Variants in INPP5A observed in about 807,000 individuals in gnomAD.
INPP5A encodes inositol polyphosphate-5-phosphatase A.
INPP5A carries 14 observed loss-of-function variants against 65.2 expected under a neutral mutation model. The ratio of observed to expected loss-of-function variants is 0.21; its 90% CI spans 0.14 to 0.34. The LOEUF (loss-of-function observed/expected upper bound fraction) is 0.34, where lower values mean the gene tolerates loss of function less well. INPP5A is among the 10% of genes least tolerant of loss of function. INPP5A has a pLI of 1.00. For synonymous variants in INPP5A, 207 were observed against 208.3 expected (o/e 0.99, Z 0.05); for missense variants, 431 against 545.6 (o/e 0.79, Z 2.09).
At chr10:132,766,306 A>G (rs1169896060) in intron 12 of INPP5A, among the ~76,000 whole-genome samples, 2 of 152,260 alleles carry the variant, frequency 1.3e-5, no homozygotes, top group Non-Finnish European at 2.9e-5. Context: ...ATCTTTTTCC[A>G]AAAAAGGTTT....
chr10:132,638,135 C>A (rs1344383619), intron 2 of INPP5A, among the ~76,000 whole-genome samples: 1 of 152,132 alleles, frequency 6.6e-6, no homozygotes, highest in Non-Finnish European at 1.5e-5. Flanking sequence ...CCTTTTCTTC[C>A]TTTCTCCTTT....
At chr10:132,769,658 G>A (rs895735535) in intron 12 of INPP5A, among the ~76,000 whole-genome samples, 3 of 152,210 alleles carry the variant, frequency 2.0e-5, no homozygotes, top group Non-Finnish European at 4.4e-5. Flanking sequence ...GTCAGGTGGC[G>A]TCAGCCCTTA....
intron 12 of INPP5A, among the ~76,000 whole-genome samples, chr10:132,771,663 GA>G (rs1164283392): frequency 8.6e-6 from 1 of 116,000 alleles, no homozygotes; most frequent in African/African-American, 3.7e-5. Context: ...GCCCCGCGAA[GA>G]GTGGGACAGA....
chr10:132,652,973 C>T (rs1263541794), intron 4 of INPP5A, among the ~76,000 whole-genome samples: 1 of 152,016 alleles, frequency 6.6e-6, no homozygotes, highest in African/African-American at 2.4e-5. Context: ...CCCCACAGTC[C>T]CCTCCTGCTG....
At chr10:132,761,535 C>T (rs1270810707) in intron 11 of INPP5A, among the ~76,000 whole-genome samples, 1 of 148,598 alleles carries the variant, frequency 6.7e-6, no homozygotes, top group African/African-American at 2.5e-5. Flanking sequence ...GGGGGTGCCA[C>T]GAGGAAGCTT....
chr10:132,776,152 T>C (rs1436905264), intron 12 of INPP5A, among the ~76,000 whole-genome samples: 1 of 152,150 alleles, frequency 6.6e-6, no homozygotes, highest in Non-Finnish European at 1.5e-5. Context: ...GGCCACCAGG[T>C]TGCTGGCTCT....
intron 1 of INPP5A, among the ~76,000 whole-genome samples, chr10:132,540,170 A>C (rs2070890628): frequency 6.6e-6 from 1 of 152,202 alleles, no homozygotes; most frequent in Non-Finnish European, 1.5e-5. Flanking sequence ...TTGCTGGGGC[A>C]TTTTAGTCTC....
rs138063786 is a variant in INPP5A, at chr10:132,754,479, G to T, written c.903+4634G>T. ...CAGTGTGTGGGGGCGAGCACCTATG[G>T]GCCTGGGGCATCACAGTGGACAGAG... On this transcript the variant is annotated intron_variant, in intron 11 of 15. Transcript: ENST00000368594. Among the ~76,000 whole-genome samples the T allele has an allele frequency of 1.3e-3, 205 of 152,160 alleles. 2 individuals are homozygous for T. The highest frequency in any genetic ancestry group is 4.4e-3 in the African/African-American group (183 of 41,504).
At chr10:132,628,463 C>CGGGGGGGGGGGG (rs55668291) in intron 2 of INPP5A, among the ~76,000 whole-genome samples, 11 of 23,314 alleles carry the variant, frequency 4.7e-4, no homozygotes, top group Non-Finnish European at 5.9e-4. Context: ...GCTCTGGTGG[C>CGGGGGGGGGGGG]GGGGGGGGGG....
At chr10:132,633,437 A>T (rs1169078038) in intron 2 of INPP5A, among the ~76,000 whole-genome samples, 1 of 152,166 alleles carries the variant, frequency 6.6e-6, no homozygotes, top group Non-Finnish European at 1.5e-5. Context: ...ATCTGTTTTA[A>T]AACGAAGTCT....
intron 1 of INPP5A, among the ~76,000 whole-genome samples, chr10:132,594,724 G>A (rs2071662592): frequency 6.6e-6 from 1 of 152,058 alleles, no homozygotes; most frequent in African/African-American, 2.4e-5. Context: ...TGTTTGGGTG[G>A]TTGTCTTTGC....
At chr10:132,664,701 G>A (rs2072779807) in intron 4 of INPP5A, among the ~76,000 whole-genome samples, 1 of 152,168 alleles carries the variant, frequency 6.6e-6, no homozygotes, top group Admixed American at 6.5e-5. Context: ...CAGAAGTGTG[G>A]GTGATTTTCA....
At chr10:132,669,112 G>A (rs544706252) in intron 4 of INPP5A, among the ~76,000 whole-genome samples, 5 of 152,272 alleles carry the variant, frequency 3.3e-5, no homozygotes, top group Admixed American at 1.3e-4. Context: ...AATTAGCCAG[G>A]CGTGGTGGTG....
chr10:132,646,045 C>T (rs2072489643), intron 3 of INPP5A, 77 bp downstream of exon 3: 2 of 898,790 alleles, frequency 2.2e-6, no homozygotes, highest in African/African-American at 3.3e-5. Flanking sequence ...TTTCATGGTA[C>T]TATGATCACC....
Position 132,707,750 on chromosome 10 carries a change from G to A in INPP5A, c.475-563G>A, listed in dbSNP as rs762100730. On this transcript the variant is annotated intron_variant, in intron 6 of 15. Coordinates refer to ENST00000368594, the MANE Select transcript of INPP5A (RefSeq NM_005539.5). The surrounding 1 kb of genome is among the most constrained non-coding windows in gnomAD (Gnocchi z 5.5). The stretch of plus-strand genomic sequence containing the variant: ...AGACCAGAGCTCAGGCTCTACGTTC[G>A]GTGGCTCTGCTAGGTGGTGGGGATC... 1.5e-4 allele frequency among the ~76,000 whole-genome samples: 23 copies of A among 152,326 alleles called. No individual in the cohort carries two copies. Among genetic ancestry groups the A allele is most frequent in the Non-Finnish European group, 2.8e-4 (19 of 68,024 alleles).
intron 2 of INPP5A, among the ~76,000 whole-genome samples, chr10:132,638,295 G>A (rs1195245751): frequency 1.3e-5 from 2 of 152,116 alleles, no homozygotes; most frequent in East Asian, 1.9e-4. Flanking sequence ...TCCAAGTCTC[G>A]CCTTGTGTTC....
chr10:132,720,178 G>A (rs2253694), intron 8 of INPP5A, among the ~76,000 whole-genome samples: 13,201 of 148,568 alleles, frequency 0.089, 407 homozygotes, highest in African/African-American at 0.12. Flanking sequence ...TTCTGTCTGG[G>A]CACCTTAGAC....
intron 4 of INPP5A, among the ~76,000 whole-genome samples, chr10:132,654,403 G>A (rs1463547456): frequency 2.6e-5 from 4 of 152,262 alleles, no homozygotes; most frequent in African/African-American, 7.2e-5. Context: ...GGTGCCAGGC[G>A]GGCCTGTCCT....
At chr10:132,732,927 T>C (rs1266777575) in intron 9 of INPP5A, among the ~76,000 whole-genome samples, 3 of 152,118 alleles carry the variant, frequency 2.0e-5, no homozygotes, top group Non-Finnish European at 4.4e-5. Flanking sequence ...CGGCAGTGGC[T>C]CAGAGGACCA....
Sources: gnomAD v4.1 joint callset for allele counts (sites outside exome capture counted in the v4.1 genomes callset) on GRCh38, gnomAD v4.1.1 for gene constraint, Gnocchi (gnomAD v3.1) non-coding constraint, MANE v1.5 for transcripts, NCBI Gene and HGNC (gene_info 2026-07-23, HGNC 2026-07-21) for gene names.